The following ELMO1 variants were observed in gnomAD, a reference collection of about 807,000 sequenced individuals.
The protein encoded by ELMO1 is engulfment and cell motility protein 1.
In ELMO1, 26 loss-of-function variants were observed where a neutral mutation model predicts 98.9. The observed-to-expected ratio is 0.26, with a 90% CI of 0.19 to 0.36. ELMO1 has a LOEUF of 0.36. Among genes scored for constraint, ELMO1 ranks in the 10% least tolerant of loss-of-function variants. The pLI is 1.00. For synonymous variants in ELMO1, 346 were observed against 346.0 expected, an observed-to-expected ratio of 1.00 and a Z score of 0.00; for missense variants, 627 against 935.2, an observed-to-expected ratio of 0.67 and a Z score of 4.30.
At chr7:37,041,538 C>T (rs943216127) in intron 15 of ELMO1, among the ~76,000 whole-genome samples, 2 of 152,106 alleles carry the variant, frequency 1.3e-5, no homozygotes, top group Admixed American at 6.6e-5. Context: ...CAGAAATTCA[C>T]AGACAGAGTG....
chr7:37,353,055 T>G (rs1156237539), intron 1 of ELMO1: 4 of 152,260 alleles, frequency 2.6e-5, no homozygotes, highest in Non-Finnish European at 5.9e-5. Flanking sequence ...ATGGTCCATT[T>G]GCGGCACCTG....
intron 4 of ELMO1, among the ~76,000 whole-genome samples, chr7:37,312,946 T>C (rs1798962134): frequency 6.6e-6 from 1 of 152,240 alleles, no homozygotes; most frequent in Admixed American, 6.5e-5. Flanking sequence ...GACAACTAAC[T>C]GAATTGATTT....
chr7:36,903,443 T>A (rs1179754675), intron 16 of ELMO1, among the ~76,000 whole-genome samples: 2 of 152,214 alleles, frequency 1.3e-5, no homozygotes, highest in African/African-American at 4.8e-5. Flanking sequence ...AGTCACAGAG[T>A]AATGATTGAG....
In ELMO1 at chr7:36,880,189, G is replaced by A. The variant is rs1039565390; in HGVS notation, c.1715-2072C>T. On this transcript the variant is annotated intron_variant, in intron 18 of 21. Coordinates refer to ENST00000310758, the MANE Select transcript of ELMO1 (RefSeq NM_014800.11). ...GAGCGACTAAAGGGTGATAGAGGCT[G>A]GGAAGGAAGACAGTGAGAAGTGGTA... Among the ~76,000 whole-genome samples, 3 of 152,178 alleles carry A rather than the reference G, an allele frequency of 2.0e-5. No homozygotes were observed. The East Asian group carries it at 5.8e-4, about 29-fold the overall frequency.
chr7:37,021,057 C>A (rs1275425342), intron 15 of ELMO1, among the ~76,000 whole-genome samples: 1 of 152,132 alleles, frequency 6.6e-6, no homozygotes, highest in Non-Finnish European at 1.5e-5. Context: ...ACTTAGAAAA[C>A]TTTGAGTTTT....
intron 4 of ELMO1, among the ~76,000 whole-genome samples, chr7:37,286,903 T>A (rs909668793): frequency 2.0e-5 from 3 of 152,048 alleles, no homozygotes; most frequent in Non-Finnish European, 4.4e-5. Flanking sequence ...ATTTTAAAAA[T>A]TGTATCATAG....
intron 16 of ELMO1, among the ~76,000 whole-genome samples, chr7:36,925,318 G>A (rs1785475703): frequency 6.6e-6 from 1 of 152,162 alleles, no homozygotes; most frequent in East Asian, 1.9e-4. Flanking sequence ...CTGAGTGCTT[G>A]AACGCTTCCA....
rs537151665 is a variant in ELMO1 at position 36,870,095 on chromosome 7, C to T, written c.1905+298G>A. 6.6e-6 allele frequency among the ~76,000 whole-genome samples: 1 copy of T among 152,148 alleles called. No individual in the cohort carries two copies. Among genetic ancestry groups the T allele is most frequent in the South Asian group, 2.1e-4 (1 of 4,822 alleles). On this transcript the variant is annotated intron_variant, in intron 20 of 21. Transcript: ENST00000310758. The surrounding 1 kb of genome is among the most constrained non-coding windows in gnomAD (Gnocchi z 4.4). ...GAGGCCCAGGGAATGGACGGATGAGCAGAGCGGGCTCAAGAGAGGACAAAG... is the reference window on the plus strand; with the variant it reads ...GAGGCCCAGGGAATGGACGGATGAGTAGAGCGGGCTCAAGAGAGGACAAAG...
At chr7:37,093,114 C>T (rs548657402) in intron 15 of ELMO1, among the ~76,000 whole-genome samples, 36 of 151,888 alleles carry the variant, frequency 2.4e-4, no homozygotes, top group Non-Finnish European at 4.6e-4. Flanking sequence ...TTTTGGACCA[C>T]GCTATTAGAG....
chr7:37,049,120 C>T (rs1584564523), intron 15 of ELMO1, among the ~76,000 whole-genome samples: 1 of 152,092 alleles, frequency 6.6e-6, no homozygotes, highest in Non-Finnish European at 1.5e-5. Context: ...GTTTTAAGAG[C>T]GACCACCCTG....
At chr7:36,951,862 G>A (rs571951906) in intron 16 of ELMO1, among the ~76,000 whole-genome samples, 4 of 152,282 alleles carry the variant, frequency 2.6e-5, no homozygotes, top group Non-Finnish European at 4.4e-5. Context: ...ACAGAATTAC[G>A]TCCCCAGTGA....
chr7:36,990,726 G>C (rs998635949), intron 16 of ELMO1, among the ~76,000 whole-genome samples: 1 of 151,950 alleles, frequency 6.6e-6, no homozygotes, highest in African/African-American at 2.4e-5. Context: ...TAAATCTGAT[G>C]TAATTCTTAT....
intron 13 of ELMO1, among the ~76,000 whole-genome samples, chr7:37,150,046 A>G (rs1788251785): frequency 6.6e-6 from 1 of 152,118 alleles, no homozygotes; most frequent in African/African-American, 2.4e-5. Flanking sequence ...CAGTGACTCA[A>G]TGCCCAAATT....
intron 1 of ELMO1, among the ~76,000 whole-genome samples, chr7:37,343,750 C>T (rs1042428261): frequency 6.6e-6 from 1 of 152,158 alleles, no homozygotes; most frequent in Non-Finnish European, 1.5e-5. Flanking sequence ...GCTGCGATTA[C>T]AGGCGTGAGC....
chr7:36,922,379 A>G (rs1490708192), intron 16 of ELMO1, among the ~76,000 whole-genome samples: 6 of 149,820 alleles, frequency 4.0e-5, no homozygotes, highest in African/African-American at 1.5e-4. Context: ...CCAACAGATA[A>G]TTGAGTTCTT....
intron 14 of ELMO1, among the ~76,000 whole-genome samples, chr7:37,129,531 C>T (rs1231869504): frequency 2.6e-5 from 4 of 152,188 alleles, no homozygotes; most frequent in African/African-American, 9.7e-5. Context: ...CACAGACCTG[C>T]ATTATCTGTT....
chr7:37,147,781 G>A (rs1699208168), intron 13 of ELMO1, among the ~76,000 whole-genome samples: 1 of 151,662 alleles, frequency 6.6e-6, no homozygotes, highest in Admixed American at 6.6e-5. Context: ...ACACAAGAGT[G>A]GCCAGAAAGA....
intron 15 of ELMO1, among the ~76,000 whole-genome samples, chr7:37,077,035 T>C (rs556266438): frequency 1.5e-4 from 23 of 152,360 alleles, no homozygotes; most frequent in African/African-American, 5.5e-4. Context: ...AACTGTCTTC[T>C]GTCCAGTTCA....
rs529059163 is a variant in ELMO1, at chr7:37,287,841, T to G, written c.193-15959A>C. The stretch of plus-strand genomic sequence containing the variant: ...CACTATCCTGTTCCCTTTTGTTCTC[T>G]AACACACCAAGCTCTTTCATGCTGC... On this transcript the variant is annotated intron_variant, in intron 4 of 21. Coordinates refer to ENST00000310758, the MANE Select transcript of ELMO1 (RefSeq NM_014800.11). 2.6e-5 allele frequency among the ~76,000 whole-genome samples: 4 copies of G among 152,360 alleles called. No individual in the cohort carries two copies. The South Asian group carries it at 8.3e-4, about 32-fold the overall frequency.
Sources: allele counts gnomAD v4.1 joint callset (sites outside exome capture counted in the v4.1 genomes callset), GRCh38; gene constraint gnomAD v4.1.1; non-coding constraint Gnocchi (gnomAD v3.1); transcripts MANE v1.5; gene names NCBI Gene and HGNC (gene_info 2026-07-23, HGNC 2026-07-21).